The following RALGPS1 variants were observed in gnomAD, a reference collection of about 807,000 sequenced individuals.
RALGPS1 encodes the protein ras-specific guanine nucleotide-releasing factor RalGPS1.
A neutral mutation model predicts 78.8 loss-of-function variants in RALGPS1; 19 were observed. The observed-to-expected ratio is 0.24, with a 90% confidence interval of 0.17 to 0.35. The LOEUF (loss-of-function observed/expected upper bound fraction) is 0.35, where lower values mean the gene tolerates loss of function less well. RALGPS1 is among the 10% of genes least tolerant of loss of function. The pLI, the probability that RALGPS1 is intolerant of heterozygous loss-of-function variation, is 1.00. For missense variants in RALGPS1, 454 were observed against 688.3 expected (o/e 0.66, Z 3.81); for synonymous variants, 228 against 256.3 (o/e 0.89, Z 1.06).
intron 8 of RALGPS1, among the ~76,000 whole-genome samples, chr9:127,141,616 C>CA (rs61291398): frequency 0.033 from 2,276 of 68,514 alleles, 62 homozygotes; most frequent in East Asian, 0.099. Flanking sequence ...TTTTTAATGG[C>CA]AAAAAAAAAA....
Position 127,212,653 on chromosome 9 carries a change from C to G in RALGPS1, c.1380C>G (p.Val460=), listed in dbSNP as rs758608013. Residue 460 remains valine, a synonymous_variant, in exon 16 of 19, where the codon GTC becomes GTG. Coordinates refer to ENST00000259351, the MANE Select transcript of RALGPS1 (RefSeq NM_014636.3). This position sits in a 1 kb window ranked among gnomAD's most constrained non-coding sequence, Gnocchi z 6.0. ...PALSSWTRYW[V]ILSGSTLLYY... is the part of the protein sequence containing the mutation. Reference sequence around the variant, plus strand: ...TGTCCTCGTGGACCAGGTACTGGGTCATACTCTCAGGATCCACCCTCCTGT... The same window carrying G: ...TGTCCTCGTGGACCAGGTACTGGGTGATACTCTCAGGATCCACCCTCCTGT... The G allele has an allele frequency of 2.5e-6, 4 of 1,613,366 alleles. No homozygotes were observed. The Admixed American group carries it at 6.7e-5, about 27-fold the overall frequency.
chr9:127,171,413 A>G (rs1375291540), intron 10 of RALGPS1, among the ~76,000 whole-genome samples: 1 of 152,126 alleles, frequency 6.6e-6, no homozygotes, highest in African/African-American at 2.4e-5. Flanking sequence ...TTAAATATTT[A>G]TTTACCAAAA....
intron 8 of RALGPS1, among the ~76,000 whole-genome samples, chr9:127,155,956 A>G (rs1460326421): frequency 6.6e-6 from 1 of 152,086 alleles, no homozygotes; most frequent in Non-Finnish European, 1.5e-5. Context: ...GGTTAAAATA[A>G]TATAAAATTG....
chr9:127,089,089 G>T, intron 8 of RALGPS1: 1 of 1,614,222 alleles, frequency 6.2e-7, no homozygotes, highest in Non-Finnish European at 8.5e-7. Flanking sequence ...GGTTGGAGTG[G>T]GCACAGGCGT....
At chr9:127,149,061 C>T (rs986987106) in intron 8 of RALGPS1, among the ~76,000 whole-genome samples, 1 of 152,196 alleles carries the variant, frequency 6.6e-6, no homozygotes, top group African/African-American at 2.4e-5. Flanking sequence ...TTACAGAGGC[C>T]AAAACTGAGG....
In RALGPS1 at chr9:127,119,914, T is replaced by G. The variant is rs372037175; in HGVS notation, c.611-46155T>G. On this transcript the variant is annotated intron_variant, in intron 8 of 18. Coordinates refer to ENST00000259351, the MANE Select transcript of RALGPS1 (RefSeq NM_014636.3). ...TTCCAGGCTGGAGCAGGGAAACCTG[T>G]GGCTTCAGTAGCCCCAGAGGCCTTG... Among the ~76,000 whole-genome samples, 377 of 152,338 alleles carry G rather than the reference T, an allele frequency of 2.5e-3. 2 individuals carry two copies. The highest frequency in any genetic ancestry group is 8.6e-3 in the African/African-American group (357 of 41,580).
At chr9:127,073,381 C>T (rs1180408051) in intron 8 of RALGPS1, among the ~76,000 whole-genome samples, 1 of 151,954 alleles carries the variant, frequency 6.6e-6, no homozygotes, top group African/African-American at 2.4e-5. Context: ...ATAGTGACCT[C>T]CAGCTGCATC....
At chr9:127,079,342 C>T (rs1019403547) in intron 8 of RALGPS1, among the ~76,000 whole-genome samples, 1 of 152,204 alleles carries the variant, frequency 6.6e-6, no homozygotes, top group African/African-American at 2.4e-5. Flanking sequence ...GCTTCTGCAT[C>T]CTCAAGACCA....
chr9:127,049,958 G>A (rs567314786), intron 5 of RALGPS1, 85 bp from the exon 6 acceptor site: 44 of 957,980 alleles, frequency 4.6e-5, no homozygotes, highest in Non-Finnish European at 6.5e-5. Context: ...CCATAACAGC[G>A]GTGGGCAAGG....
At chr9:127,149,387 C>T (rs923408325) in intron 8 of RALGPS1, among the ~76,000 whole-genome samples, 1 of 152,214 alleles carries the variant, frequency 6.6e-6, no homozygotes, top group Non-Finnish European at 1.5e-5. Context: ...CTAAAGGAAG[C>T]GTTTGGCGCT....
intron 8 of RALGPS1, among the ~76,000 whole-genome samples, chr9:127,083,526 T>C (rs2051384248): frequency 6.6e-6 from 1 of 152,196 alleles, no homozygotes; most frequent in Non-Finnish European, 1.5e-5. Flanking sequence ...CTGCCTTGCA[T>C]CTTGAAGGCT....
rs1162156096 is a variant in RALGPS1 at position 126,989,067 on chromosome 9, TATCATCATCATCATCAGC to T, written c.216+11339_216+11356del. 7.2e-5 allele frequency among the ~76,000 whole-genome samples: 11 copies of T among 152,020 alleles called. No individual in the cohort carries two copies. The South Asian group carries it at 1.0e-3, about 14-fold the overall frequency. On this transcript the variant is annotated intron_variant, in intron 4 of 18. Transcript: ENST00000259351. ...TGGGCAACATAGCAAGACCCCACCT[TATCATCATCATCATCAGC>T]ATCATCATCATCATCATCATCATCG...
chr9:127,140,050 A>C (rs2057664038), intron 8 of RALGPS1, among the ~76,000 whole-genome samples: 1 of 152,202 alleles, frequency 6.6e-6, no homozygotes, highest in South Asian at 2.1e-4. Flanking sequence ...GGGAGTTCTC[A>C]ACACTGGTCA....
chr9:126,938,070 C>T (rs2036424497), intron 1 of RALGPS1, among the ~76,000 whole-genome samples: 1 of 152,084 alleles, frequency 6.6e-6, no homozygotes, highest in Non-Finnish European at 1.5e-5. Flanking sequence ...TCTGGCAATC[C>T]AGCAGTATAC....
intron 4 of RALGPS1, among the ~76,000 whole-genome samples, chr9:127,013,632 C>T (rs996687447): frequency 1.1e-4 from 17 of 152,172 alleles, no homozygotes; most frequent in Admixed American, 2.0e-4. Context: ...CATCCCACTC[C>T]GTTGCCCAAT....
intron 8 of RALGPS1, among the ~76,000 whole-genome samples, chr9:127,135,138 C>A (rs754694301): frequency 8.5e-5 from 13 of 152,242 alleles, no homozygotes; most frequent in Middle Eastern, 6.3e-3. Context: ...TCAGTCCTCT[C>A]TCCCTCTTTG....
intron 1 of RALGPS1, among the ~76,000 whole-genome samples, chr9:126,940,980 A>G (rs538692122): frequency 1.6e-4 from 24 of 152,386 alleles, no homozygotes; most frequent in Middle Eastern, 3.4e-3. Context: ...AATAGAAAGT[A>G]AAAGTGCCAT....
intron 9 of RALGPS1, among the ~76,000 whole-genome samples, chr9:127,168,441 T>C (rs1327069667): frequency 2.6e-5 from 4 of 152,174 alleles, no homozygotes; most frequent in Non-Finnish European, 5.9e-5. Context: ...CCTCAGAGTG[T>C]GGTGACTGAG....
In RALGPS1 at chr9:127,183,987, C is replaced by A. The variant is rs760216514; in HGVS notation, c.910+9205C>A. Reference sequence around the variant, plus strand: ...TCCTCACGAGTACCAGCGGCTCCCCCAGCATCTGCTGCTCCGCGCTCCCCG... The same window carrying A: ...TCCTCACGAGTACCAGCGGCTCCCCAAGCATCTGCTGCTCCGCGCTCCCCG... On this transcript the variant is annotated intron_variant, in intron 11 of 18. Transcript: ENST00000259351. This position sits in a 1 kb window ranked among gnomAD's most constrained non-coding sequence, Gnocchi z 4.0. 6.5e-7 allele frequency: 1 copy of A among 1,550,226 alleles called. No homozygotes were observed. The highest frequency in any genetic ancestry group is 8.7e-7 in the Non-Finnish European group (1 of 1,146,956).
Sources: gnomAD v4.1 joint callset for allele counts (sites outside exome capture counted in the v4.1 genomes callset) on GRCh38, gnomAD v4.1.1 for gene constraint, Gnocchi (gnomAD v3.1) non-coding constraint, MANE v1.5 for transcripts, NCBI Gene and HGNC (gene_info 2026-07-23, HGNC 2026-07-21) for gene names.